Variants in TMEM182 observed in about 807,000 individuals in gnomAD.
The protein encoded by TMEM182 is transmembrane protein 182.
In TMEM182, 20 loss-of-function variants were observed where a neutral mutation model predicts 26.8. That is an observed-to-expected ratio of 0.75 (90% CI 0.53 to 1.09). The LOEUF (loss-of-function observed/expected upper bound fraction) is 1.09, where lower values mean the gene tolerates loss of function less well. TMEM182 is among the 50% of genes least tolerant of loss of function. The probability of loss-of-function intolerance (pLI) is 0.00; values close to 1 mark genes in which losing one functional copy is unlikely to be tolerated. For missense variants in TMEM182, 277 were observed against 275.5 expected (o/e 1.01, Z -0.04); for synonymous variants, 109 against 102.2 (o/e 1.07, Z -0.40).
intron 3 of TMEM182, among the ~76,000 whole-genome samples, chr2:102,771,693 T>A (rs1680680941): frequency 1.3e-5 from 2 of 152,076 alleles, no homozygotes; most frequent in Admixed American, 6.6e-5. Flanking sequence ...CTTCAGGAGA[T>A]CCCTGAAAAT....
At chr2:102,801,186 T>G (rs1682114095) in intron 4 of TMEM182, among the ~76,000 whole-genome samples, 1 of 152,096 alleles carries the variant, frequency 6.6e-6, no homozygotes, top group South Asian at 2.1e-4. Flanking sequence ...ACTAGGTGAT[T>G]CAGAGGACAC....
chr2:102,772,223 A>G (rs1680706531), intron 3 of TMEM182, among the ~76,000 whole-genome samples: 1 of 152,188 alleles, frequency 6.6e-6, no homozygotes, highest in African/African-American at 2.4e-5. Context: ...AGGAGAGAGC[A>G]TCAACTAGAA....
At chr2:102,746,172 C>T (rs1228812030) in intron 1 of TMEM182, among the ~76,000 whole-genome samples, 1 of 152,156 alleles carries the variant, frequency 6.6e-6, no homozygotes, top group Non-Finnish European at 1.5e-5. Context: ...TTTTGATTTA[C>T]ATTTCTCTGA....
chr2:102,785,135 C>T (rs528403711), intron 3 of TMEM182, among the ~76,000 whole-genome samples: 24 of 152,240 alleles, frequency 1.6e-4, no homozygotes, highest in South Asian at 6.2e-4. Context: ...ACCAGTATGA[C>T]GTGTTCCTTA....
intron 3 of TMEM182, among the ~76,000 whole-genome samples, chr2:102,790,273 C>A (rs921804500): frequency 1.3e-5 from 2 of 152,154 alleles, no homozygotes; most frequent in African/African-American, 4.8e-5. Flanking sequence ...TCTTAGAGGC[C>A]CCTGATGAGA....
Position 102,816,034 on chromosome 2 carries a change from A to G in TMEM182, c.*1066A>G. The G allele has an allele frequency of 1.0e-6, 1 of 984,986 alleles. No individual in the cohort carries two copies. The highest frequency in any genetic ancestry group is 1.2e-6 in the Non-Finnish European group (1 of 829,598). 61.0% of individuals were successfully genotyped at this position (984,986 alleles called of 1,614,324 possible). On this transcript the variant is annotated 3_prime_UTR_variant, in exon 5 of 5. Transcript: ENST00000412401. ...TCATCTTTACAATAGATATATTAAC[A>G]TTTACAGATCGACTATTTCCTTTAA...
chr2:102,743,771 T>G (rs1161049590), intron 1 of TMEM182, among the ~76,000 whole-genome samples: 1 of 152,002 alleles, frequency 6.6e-6, no homozygotes, highest in African/African-American at 2.4e-5. Context: ...CTAGGGAAAA[T>G]TATATCATAT....
Position 102,762,062 on chromosome 2 carries a change from A to G in TMEM182, c.-156A>G. On this transcript the variant is annotated 5_prime_UTR_variant, in exon 1 of 5. Coordinates refer to ENST00000412401, the MANE Select transcript of TMEM182 (RefSeq NM_144632.5). ...GCCGGTGGGGCGTGAGCGAGAAGCCACCAAAACATGAGCTAGGACAGCCTT... is the reference window on the plus strand; with the variant it reads ...GCCGGTGGGGCGTGAGCGAGAAGCCGCCAAAACATGAGCTAGGACAGCCTT... 1.6e-6 allele frequency: 1 copy of G among 633,316 alleles called. No homozygotes were observed. The allele number at this position is 633,316 out of a possible 1,614,324, so 39.2% of individuals were successfully genotyped here.
At chr2:102,813,702 G>A (rs1558787070) in intron 4 of TMEM182, among the ~76,000 whole-genome samples, 1 of 152,146 alleles carries the variant, frequency 6.6e-6, no homozygotes, top group Non-Finnish European at 1.5e-5. Context: ...GAAAGGACAT[G>A]CTTAGTGGTA....
chr2:102,737,645 C>A (rs551878411), intron 1 of TMEM182, among the ~76,000 whole-genome samples: 1 of 152,202 alleles, frequency 6.6e-6, no homozygotes, highest in East Asian at 1.9e-4. Context: ...AGCAGGAGTG[C>A]AGACCATTTA....
intron 3 of TMEM182, among the ~76,000 whole-genome samples, chr2:102,788,985 C>T (rs116293707): frequency 3.9e-5 from 6 of 152,212 alleles, no homozygotes; most frequent in Middle Eastern, 3.4e-3. Flanking sequence ...TAGACCTGCC[C>T]GACACTGCCA....
At chr2:102,802,830 A>G (rs145063955) in intron 4 of TMEM182, among the ~76,000 whole-genome samples, 2 of 152,372 alleles carry the variant, frequency 1.3e-5, no homozygotes, top group Non-Finnish European at 2.9e-5. Flanking sequence ...GAGATCAGCC[A>G]TAAAATTTGA....
chr2:102,809,932 A>T (rs1682488895), intron 4 of TMEM182, among the ~76,000 whole-genome samples: 1 of 152,192 alleles, frequency 6.6e-6, no homozygotes, highest in Non-Finnish European at 1.5e-5. Context: ...GAAAACTGAA[A>T]TGAGTTGCCT....
chr2:102,779,689 ATT>A (rs112110293), intron 3 of TMEM182, among the ~76,000 whole-genome samples: 1 of 139,220 alleles, frequency 7.2e-6, no homozygotes, highest in Non-Finnish European at 1.6e-5. Flanking sequence ...CATACTTTCT[ATT>A]TTTTTTTTTT....
At chr2:102,791,577 C>G (rs1681639979) in intron 3 of TMEM182, among the ~76,000 whole-genome samples, 1 of 152,226 alleles carries the variant, frequency 6.6e-6, no homozygotes, top group Admixed American at 6.5e-5. Context: ...AATTTACCAA[C>G]TGACTGAAAA....
chr2:102,811,172 T>G (rs1488760902), intron 4 of TMEM182, among the ~76,000 whole-genome samples: 1 of 152,142 alleles, frequency 6.6e-6, no homozygotes, highest in Admixed American at 6.5e-5. Context: ...CTTGACACTT[T>G]TGAAAAAAGT....
rs1022064256 is a variant in TMEM182 at position 102,804,946 on chromosome 2, T to C, written c.469+6946T>C. ...CGCTTTGTGCCTTCCATTGTCACAG[T>C]TGGGATTTGTCTAAAAAATCACTGT... is the stretch of plus-strand genomic sequence containing the variant. On this transcript the variant is annotated intron_variant, in intron 4 of 4. Transcript: ENST00000412401. Among the ~76,000 whole-genome samples the C allele has an allele frequency of 5.9e-5, 9 of 152,308 alleles. No homozygotes were observed. In the South Asian group the frequency reaches 1.0e-3, roughly 18 times the overall value.
In TMEM182 at chr2:102,815,287, G is replaced by A. The variant is rs1682703498; in HGVS notation, c.*319G>A. The A allele has an allele frequency of 9.7e-7, 1 of 1,031,654 alleles. No homozygotes were observed. The highest frequency in any genetic ancestry group is 4.2e-5 in the South Asian group (1 of 23,748). 63.9% of individuals were successfully genotyped at this position (1,031,654 alleles called of 1,614,324 possible). Reference sequence around the variant, plus strand: ...TAATAGCTTAATACCATGACATGGGGAAAATCTCGATAGATTTGGCTTAAA... The same window carrying A: ...TAATAGCTTAATACCATGACATGGGAAAAATCTCGATAGATTTGGCTTAAA... On this transcript the variant is annotated 3_prime_UTR_variant, in exon 5 of 5. Transcript: ENST00000412401.
intron 1 of TMEM182, among the ~76,000 whole-genome samples, chr2:102,738,757 A>T (rs368144035): frequency 2.0e-4 from 31 of 152,312 alleles, no homozygotes; most frequent in African/African-American, 7.0e-4. Flanking sequence ...ACATATACCG[A>T]TGTAATATGT....
Sources: gnomAD v4.1 joint callset for allele counts (sites outside exome capture counted in the v4.1 genomes callset) on GRCh38, gnomAD v4.1.1 for gene constraint, MANE v1.5 for transcripts, NCBI Gene and HGNC (gene_info 2026-07-23, HGNC 2026-07-21) for gene names.